HS6ST3: variants seen among roughly 807,000 people sequenced by gnomAD.
The protein encoded by HS6ST3 is heparan sulfate 6-O-sulfotransferase 3.
HS6ST3 carries 12 observed loss-of-function variants against 36.7 expected under a neutral mutation model. That is an observed-to-expected ratio of 0.33 (90% CI 0.21 to 0.53). The LOEUF is 0.53. Ranked by LOEUF, HS6ST3 falls within the 20% of genes least tolerant of loss-of-function variation. HS6ST3 has a pLI of 0.95. For missense variants in HS6ST3, 584 were observed against 640.9 expected (o/e 0.91, Z 0.96); for synonymous variants, 240 against 257.5 (o/e 0.93, Z 0.65).
At chr13:96,642,031 A>T (rs886075024) in intron 1 of HS6ST3, among the ~76,000 whole-genome samples, 1 of 151,816 alleles carries the variant, frequency 6.6e-6, no homozygotes, top group Non-Finnish European at 1.5e-5. Flanking sequence ...TTTTACTTCA[A>T]CCCAAAGGAC....
At chr13:96,269,915 G>C (rs746000309) in intron 1 of HS6ST3, among the ~76,000 whole-genome samples, 3 of 151,968 alleles carry the variant, frequency 2.0e-5, no homozygotes, top group Non-Finnish European at 4.4e-5. Flanking sequence ...CAGCCACTTG[G>C]AGAATCAGCT....
chr13:96,254,476 T>A (rs1594733212), intron 1 of HS6ST3, among the ~76,000 whole-genome samples: 3 of 9,450 alleles, frequency 3.2e-4, no homozygotes, highest in Non-Finnish European at 8.2e-4. Flanking sequence ...TATATATATA[T>A]ATATATATAT....
At chr13:96,573,757 C>A in intron 1 of HS6ST3, 4 of 349,088 alleles carry the variant, frequency 1.1e-5, no homozygotes, top group South Asian at 9.6e-5. Flanking sequence ...AGCCCTAGGT[C>A]AGGACCTCTT....
chr13:96,812,927 G>A (rs1279428589), intron 1 of HS6ST3, among the ~76,000 whole-genome samples: 1 of 152,140 alleles, frequency 6.6e-6, no homozygotes, highest in Non-Finnish European at 1.5e-5. Flanking sequence ...GAAGTCTGTT[G>A]TAGGATTATC....
intron 1 of HS6ST3, among the ~76,000 whole-genome samples, chr13:96,137,942 C>T (rs543451173): frequency 1.1e-4 from 16 of 152,272 alleles, no homozygotes; most frequent in East Asian, 9.7e-4. Flanking sequence ...AGACAATTGA[C>T]GTGCAGTGTA....
rs551830081 is a variant in HS6ST3, at chr13:96,827,486, C to T, written c.708-5004C>T. ...GTCTGCTTTGCAGGATTGAAACAAA[C>T]AAAATGTACATGAGAATATGTCTGT... On this transcript the variant is annotated intron_variant, in intron 1 of 1. Coordinates refer to ENST00000376705, the MANE Select transcript of HS6ST3 (RefSeq NM_153456.4). 5.9e-5 allele frequency among the ~76,000 whole-genome samples: 9 copies of T among 152,280 alleles called. No individual in the cohort carries two copies. In the South Asian group the frequency reaches 1.7e-3, roughly 28 times the overall value.
intron 1 of HS6ST3, among the ~76,000 whole-genome samples, chr13:96,821,998 G>A (rs561405032): frequency 3.3e-5 from 5 of 152,188 alleles, no homozygotes; most frequent in African/African-American, 1.2e-4. Context: ...CTGGCACTGA[G>A]CAATTACAAC....
chr13:96,118,522 A>G (rs140451242), intron 1 of HS6ST3, among the ~76,000 whole-genome samples: 4 of 151,654 alleles, frequency 2.6e-5, no homozygotes, highest in African/African-American at 9.7e-5. Context: ...ATGATGGACA[A>G]TTTCCATGAA....
chr13:96,772,586 T>C (rs986381521), intron 1 of HS6ST3, among the ~76,000 whole-genome samples: 5 of 152,304 alleles, frequency 3.3e-5, no homozygotes, highest in Admixed American at 2.6e-4. Flanking sequence ...GGAAATAAAC[T>C]GATATTTATT....
At chr13:96,445,732 G>C (rs1334000830) in intron 1 of HS6ST3, among the ~76,000 whole-genome samples, 2 of 151,694 alleles carry the variant, frequency 1.3e-5, no homozygotes, top group Non-Finnish European at 2.9e-5. Context: ...ACCAGGCGTG[G>C]TGGTATGTGC....
At chr13:96,278,196 A>G (rs752969224) in intron 1 of HS6ST3, among the ~76,000 whole-genome samples, 2 of 152,174 alleles carry the variant, frequency 1.3e-5, no homozygotes, top group African/African-American at 4.8e-5. Context: ...GACAATCAAT[A>G]CCTTAAACTT....
At chr13:96,116,652 G>A (rs1019088290) in intron 1 of HS6ST3, among the ~76,000 whole-genome samples, 1 of 152,152 alleles carries the variant, frequency 6.6e-6, no homozygotes, top group African/African-American at 2.4e-5. Flanking sequence ...ATGCACTATT[G>A]AACTGAACTT....
chr13:96,689,511 C>T (rs558961399), intron 1 of HS6ST3, among the ~76,000 whole-genome samples: 1 of 151,412 alleles, frequency 6.6e-6, no homozygotes, highest in African/African-American at 2.4e-5. Context: ...TGCATCATGG[C>T]TTATGCTTAA....
At chr13:96,353,078 G>C (rs1001046230) in intron 1 of HS6ST3, among the ~76,000 whole-genome samples, 1 of 133,590 alleles carries the variant, frequency 7.5e-6, no homozygotes, top group Non-Finnish European at 1.6e-5. Flanking sequence ...TTTTTGAGAC[G>C]GAGTCTTGCT....
chr13:96,578,896 C>A (rs2056331335), intron 1 of HS6ST3, among the ~76,000 whole-genome samples: 1 of 152,112 alleles, frequency 6.6e-6, no homozygotes, highest in South Asian at 2.1e-4. Flanking sequence ...GCTGTGAGTG[C>A]CTTTTGGTCT....
At chr13:96,632,545 T>G (rs2056535731) in intron 1 of HS6ST3, among the ~76,000 whole-genome samples, 1 of 152,174 alleles carries the variant, frequency 6.6e-6, no homozygotes, top group South Asian at 2.1e-4. Context: ...TTAAATGCTG[T>G]TGCAGAGAAG....
intron 1 of HS6ST3, among the ~76,000 whole-genome samples, chr13:96,301,509 A>G (rs1053341515): frequency 2.6e-5 from 4 of 152,136 alleles, no homozygotes; most frequent in African/African-American, 9.7e-5. Flanking sequence ...GTCTCTCTCT[A>G]TCTCTGTGAC....
At chr13:96,394,721 G>C (rs186766207) in intron 1 of HS6ST3, among the ~76,000 whole-genome samples, 1 of 152,066 alleles carries the variant, frequency 6.6e-6, no homozygotes, top group African/African-American at 2.4e-5. Flanking sequence ...GTTGGAATTC[G>C]TACCCAGTTC....
intron 1 of HS6ST3, among the ~76,000 whole-genome samples, chr13:96,666,929 A>T (rs1342076692): frequency 6.6e-6 from 1 of 152,136 alleles, no homozygotes; most frequent in East Asian, 1.9e-4. Flanking sequence ...AATGTCATCC[A>T]TGATGAACTA....
Sources: allele counts gnomAD v4.1 joint callset (sites outside exome capture counted in the v4.1 genomes callset), GRCh38; gene constraint gnomAD v4.1.1; transcripts MANE v1.5; gene names NCBI Gene and HGNC (gene_info 2026-07-23, HGNC 2026-07-21).